The following OR5A1 variants were observed in gnomAD, a reference collection of about 807,000 sequenced individuals.
OR5A1 encodes olfactory receptor family 5 subfamily A member 1, also known as olfactory receptor 5A1.
In OR5A1, 6 loss-of-function variants were observed where a neutral mutation model predicts 6.7. The ratio of observed to expected loss-of-function variants is 0.89; its 90% CI spans 0.49 to 1.76. OR5A1 has a LOEUF of 1.76. Ranked by LOEUF, OR5A1 falls within the 40% of genes most tolerant of loss-of-function variation. The pLI is 0.01. For missense variants in OR5A1, 378 were observed against 381.7 expected, an observed-to-expected ratio of 0.99 and a Z score of 0.08; for synonymous variants, 170 against 155.0, an observed-to-expected ratio of 1.10 and a Z score of -0.72.
At chr11:59,437,495 C>T (rs1048479245) in intron 1 of OR5A1, among the ~76,000 whole-genome samples, 11 of 152,206 alleles carry the variant, frequency 7.2e-5, no homozygotes, top group Non-Finnish European at 2.9e-5. Context: ...CATGTCTTTT[C>T]ATGGCTTGAT....
At position 59,443,333 on chromosome 11, in the gene OR5A1, C is replaced by T. The variant is rs901887058; in HGVS notation, c.165C>T (p.Asp55=). Residue 55 remains aspartate, a synonymous_variant, in exon 2 of 2, where the codon GAC becomes GAT. Coordinates refer to ENST00000641045, the MANE Select transcript of OR5A1 (RefSeq NM_001004728.2). Reference sequence around the variant, plus strand: ...CCCTCATTTTTCTGATCAGAGGTGACACCCATCTGCACACACCCATGTACT... The same window carrying T: ...CCCTCATTTTTCTGATCAGAGGTGATACCCATCTGCACACACCCATGTACT... The part of the protein sequence containing the change: ...NLALIFLIRG[D]THLHTPMYFF... 2 of 1,613,844 alleles carry T rather than the reference C, an allele frequency of 1.2e-6. No homozygotes were observed. Among genetic ancestry groups the T allele is most frequent in the Non-Finnish European group, 1.7e-6 (2 of 1,180,028 alleles).
At chr11:59,439,631 A>T (rs7943445) in intron 1 of OR5A1, among the ~76,000 whole-genome samples, 139,506 of 152,264 alleles carry the variant, frequency 0.92, 64,638 homozygotes, top group Non-Finnish European at 0.99. Flanking sequence ...TATGTGGGAA[A>T]AAAACTCTAC....
At chr11:59,437,925 G>T (rs112376065) in intron 1 of OR5A1, among the ~76,000 whole-genome samples, 38 of 152,210 alleles carry the variant, frequency 2.5e-4, no homozygotes, top group Non-Finnish European at 4.4e-5. Flanking sequence ...GGTAGGAGGT[G>T]ATTGGCCCAT....
In OR5A1 at chr11:59,443,161, CG is replaced by C; in HGVS notation, c.-5del. The C allele has an allele frequency of 1.2e-6, 2 of 1,607,856 alleles. No homozygotes were observed. Among genetic ancestry groups the C allele is most frequent in the Non-Finnish European group, 1.7e-6 (2 of 1,175,392 alleles). On this transcript the variant is annotated 5_prime_UTR_variant, in exon 2 of 2. Coordinates refer to ENST00000641045, the MANE Select transcript of OR5A1 (RefSeq NM_001004728.2). ...GTCTGCATCTTGTCCTTGTGGTCCA[CG>C]GGAAGCATGTCCATAACCAAAGCCT...
At position 59,444,022 on chromosome 11, in the gene OR5A1, T is replaced by G. The variant is rs761764007; in HGVS notation, c.854T>G (p.Ile285Ser). 6.2e-7 allele frequency: 1 copy of G among 1,613,982 alleles called. No homozygotes were observed. Among genetic ancestry groups the G allele is most frequent in the Admixed American group, 1.7e-5 (1 of 59,998 alleles). The change falls in exon 2 of 2, where the codon ATC (isoleucine) becomes AGC (serine). Residue 285 changes from isoleucine to serine, a missense_variant. By Grantham distance (142) the Ile-to-Ser change is moderately radical. Coordinates refer to ENST00000641045, the MANE Select transcript of OR5A1 (RefSeq NM_001004728.2). ...KVVSVFYSLVIPMLNPLIYSL... is the reference protein window; with the variant it reads ...KVVSVFYSLVSPMLNPLIYSL... ...GTGTCTGTTTTCTATTCATTGGTGA[T>G]CCCCATGCTGAACCCTCTCATTTAC...
chr11:59,438,033 G>GCT (rs1456900349), intron 1 of OR5A1, among the ~76,000 whole-genome samples: 80 of 151,968 alleles, frequency 5.3e-4, no homozygotes, highest in African/African-American at 1.7e-3. Flanking sequence ...CCTTTCTGTT[G>GCT]CTCTCTCTCT....
chr11:59,444,213 C>T lies in OR5A1; in HGVS notation c.*97C>T, dbSNP rs1858521305. 1.2e-6 allele frequency: 1 copy of T among 802,154 alleles called. No individual in the cohort carries two copies. Among genetic ancestry groups the T allele is most frequent in the Non-Finnish European group, 2.0e-6 (1 of 499,416 alleles). 49.7% of individuals were successfully genotyped at this position (802,154 alleles called of 1,614,324 possible). On this transcript the variant is annotated 3_prime_UTR_variant, in exon 2 of 2. Coordinates refer to ENST00000641045, the MANE Select transcript of OR5A1 (RefSeq NM_001004728.2). ...CCTCAGGCAAGGGAGATATTTGGTG[C>T]TCTCATTTGTGGAGACTCTTCCCTC... is the stretch of plus-strand genomic sequence containing the variant.
chr11:59,443,655 G>A lies in OR5A1; in HGVS notation c.487G>A (p.Ala163Thr). The change falls in exon 2 of 2, where the codon GCC becomes ACC. Residue 163 changes from alanine (A) to threonine (T), a missense_variant. Transcript: ENST00000641045. ...TGGCTTCCTGAGCTCCCTGATCCAGGCCAGCTCCATATTTAGGCTTCACTT... is the reference window on the plus strand; with the variant it reads ...TGGCTTCCTGAGCTCCCTGATCCAGACCAGCTCCATATTTAGGCTTCACTT... Reference protein sequence around the residue: ...VGGFLSSLIQASSIFRLHFCG... With the variant: ...VGGFLSSLIQTSSIFRLHFCG... 6.2e-7 allele frequency: 1 copy of A among 1,614,058 alleles called. No individual in the cohort carries two copies.
Position 59,443,219 on chromosome 11 carries a change from C to A in OR5A1, c.51C>A (p.Leu17=). The part of the protein sequence containing the change: ...WNSSSVTMFI[L]LGFTDHPELQ... ...GCTCATCAGTGACCATGTTCATCCTCCTGGGATTCACAGACCATCCAGAAC... is the reference window on the plus strand; with the variant it reads ...GCTCATCAGTGACCATGTTCATCCTACTGGGATTCACAGACCATCCAGAAC... Residue 17 remains leucine, a synonymous_variant, in exon 2 of 2, where the codon CTC becomes CTA. Transcript: ENST00000641045. 2 of 1,614,120 alleles carry A rather than the reference C, an allele frequency of 1.2e-6. No homozygotes were observed. Among genetic ancestry groups the A allele is most frequent in the Non-Finnish European group, 1.7e-6 (2 of 1,180,006 alleles).
chr11:59,444,322 A>T lies in OR5A1; in HGVS notation c.*206A>T. The T allele has an allele frequency of 6.2e-6, 2 of 321,350 alleles. No homozygotes were observed. Among genetic ancestry groups the T allele is most frequent in the Non-Finnish European group, 1.2e-5 (2 of 172,704 alleles). 19.9% of individuals were successfully genotyped at this position (321,350 alleles called of 1,614,324 possible). A position where few individuals can be genotyped will look rare whatever the true frequency, so the allele number is the denominator to read the frequency against. On this transcript the variant is annotated 3_prime_UTR_variant, in exon 2 of 2. Transcript: ENST00000641045. ...AAAAAGGGAAGGAATTTCTTCAGAA[A>T]AAAAAAAAAAAAAAAAAGAACCTCC...
chr11:59,448,728 C>A lies in OR5A1; in HGVS notation c.*4612C>A, dbSNP rs1432926116. On this transcript the variant is annotated 3_prime_UTR_variant, in exon 2 of 2. Coordinates refer to ENST00000641045, the MANE Select transcript of OR5A1 (RefSeq NM_001004728.2). The stretch of plus-strand genomic sequence containing the variant: ...GGGTGGGGTCACATCTGTCTCTTCA[C>A]AAATATATTCTCAGCATCTAGAACT... 1 of 152,052 alleles carries A rather than the reference C, an allele frequency of 6.6e-6. No homozygotes were observed. Among genetic ancestry groups the A allele is most frequent in the Non-Finnish European group, 1.5e-5 (1 of 68,018 alleles). 9.4% of individuals were successfully genotyped at this position (152,052 alleles called of 1,614,324 possible). A position where few individuals can be genotyped will look rare whatever the true frequency, so the allele number is the denominator to read the frequency against.
rs1554968956 is a variant in OR5A1 at position 59,444,319 on chromosome 11, G to GGA, written c.*203_*204insGA. 3.7e-5 allele frequency: 3 copies of GGA among 81,436 alleles called. No homozygotes were observed. Among genetic ancestry groups the GGA allele is most frequent in the Admixed American group, 1.4e-4 (1 of 7,186 alleles). 5.0% of individuals were successfully genotyped at this position (81,436 alleles called of 1,614,324 possible). On this transcript the variant is annotated 3_prime_UTR_variant, in exon 2 of 2. Transcript: ENST00000641045. ...GCCAAAAAGGGAAGGAATTTCTTCA[G>GGA]AAAAAAAAAAAAAAAAAAAAGAACC... is the stretch of plus-strand genomic sequence containing the variant.
rs368700833 is a variant in OR5A1 at position 59,443,260 on chromosome 11, T to C, written c.92T>C (p.Phe31Ser). The change falls in exon 2 of 2, where the codon TTT (phenylalanine) becomes TCT (serine). Residue 31 changes from phenylalanine (F) to serine (S), a missense_variant. Coordinates refer to ENST00000641045, the MANE Select transcript of OR5A1 (RefSeq NM_001004728.2). ...CATCCAGAACTCCAGGCCCTCCTCT[T>C]TGTGACCTTCCTGGGCATCTATCTT... ...TDHPELQALL[F>S]VTFLGIYLTT... The C allele has an allele frequency of 3.7e-6, 6 of 1,614,028 alleles. No individual in the cohort carries two copies. Among genetic ancestry groups the C allele is most frequent in the Non-Finnish European group, 5.1e-6 (6 of 1,179,976 alleles).
rs1858550017 is a variant in OR5A1, at chr11:59,446,394, A to G, written c.*2278A>G. 6.6e-6 allele frequency: 1 copy of G among 152,212 alleles called. No homozygotes were observed. The highest frequency in any genetic ancestry group is 2.4e-5 in the African/African-American group (1 of 41,448). The allele number at this position is 152,212 out of a possible 1,614,324, so 9.4% of individuals were successfully genotyped here. On this transcript the variant is annotated 3_prime_UTR_variant, in exon 2 of 2. Transcript: ENST00000641045. ...GTTGTTTTGGTTACCATAGACTTGT[A>G]GTATAGTTTGAAGTCAGGGAGTGTA...
rs1858498898 is a variant in OR5A1 at position 59,443,104 on chromosome 11, A to T, written c.-33-32A>T. ...CATTTTGTAGTTATTTGCTAATACC[A>T]CCTATAATGTGGACTGTCATTACTA... On this transcript the variant is annotated intron_variant, in intron 1 of 1. Transcript: ENST00000641045. 14 of 1,230,456 alleles carry T rather than the reference A, an allele frequency of 1.1e-5. No homozygotes were observed. The Admixed American group carries it at 1.9e-4, about 17-fold the overall frequency. 76.2% of individuals were successfully genotyped at this position (1,230,456 alleles called of 1,614,324 possible).
At position 59,444,176 on chromosome 11, in the gene OR5A1, C is replaced by G. The variant is rs528618075; in HGVS notation, c.*60C>G. Reference sequence around the variant, plus strand: ...GAGAATTAAACAATCCAAGCCTTCACCTCCACCTCTGCCTCAGGCAAGGGA... The same window carrying G: ...GAGAATTAAACAATCCAAGCCTTCAGCTCCACCTCTGCCTCAGGCAAGGGA... On this transcript the variant is annotated 3_prime_UTR_variant, in exon 2 of 2. Coordinates refer to ENST00000641045, the MANE Select transcript of OR5A1 (RefSeq NM_001004728.2). 3.5e-6 allele frequency: 4 copies of G among 1,138,718 alleles called. No individual in the cohort carries two copies. The East Asian group carries it at 7.1e-5, about 20-fold the overall frequency. The allele number at this position is 1,138,718 out of a possible 1,614,324, so 70.5% of individuals were successfully genotyped here. A position where few individuals can be genotyped will look rare whatever the true frequency, so the allele number is the denominator to read the frequency against.
At chr11:59,442,459 T>TAAGA in intron 1 of OR5A1, among the ~76,000 whole-genome samples, 1 of 151,664 alleles carries the variant, frequency 6.6e-6, no homozygotes, top group Admixed American at 6.6e-5. Context: ...AAATAAAAAA[T>TAAGA]AAGAAATAAA....
At chr11:59,441,960 A>C (rs895730012) in intron 1 of OR5A1, among the ~76,000 whole-genome samples, 1 of 151,984 alleles carries the variant, frequency 6.6e-6, no homozygotes, top group African/African-American at 2.4e-5. Context: ...AGATAGATAG[A>C]TAGATAGATA....
intron 1 of OR5A1, among the ~76,000 whole-genome samples, chr11:59,441,973 T>C (rs1167142663): frequency 1.6e-4 from 24 of 151,364 alleles, no homozygotes; most frequent in Admixed American, 4.6e-4. Context: ...GATAGATAGA[T>C]AGATAGATAG....
Sources: gnomAD v4.1 joint callset for allele counts (sites outside exome capture counted in the v4.1 genomes callset) on GRCh38, gnomAD v4.1.1 for gene constraint, MANE v1.5 for transcripts, NCBI Gene and HGNC (gene_info 2026-07-23, HGNC 2026-07-21) for gene names.